Variants in FAM3B observed in about 807,000 individuals in gnomAD.
The protein encoded by FAM3B is FAM3 metabolism regulating signaling molecule B.
FAM3B carries 29 observed loss-of-function variants against 28.4 expected under a neutral mutation model. That is an observed-to-expected ratio of 1.02 (90% CI 0.76 to 1.39). The LOEUF is 1.39. Among genes scored for constraint, FAM3B ranks in the 40% most tolerant of loss-of-function variants. The pLI is 0.00. For missense variants in FAM3B, 266 were observed against 293.9 expected, an observed-to-expected ratio of 0.91 and a Z score of 0.69; for synonymous variants, 91 against 103.0, an observed-to-expected ratio of 0.88 and a Z score of 0.71.
intron 3 of FAM3B, among the ~76,000 whole-genome samples, chr21:41,343,761 C>T (rs1387380409): frequency 6.6e-6 from 1 of 152,136 alleles, no homozygotes; most frequent in Non-Finnish European, 1.5e-5. Context: ...TTTAGTTTTC[C>T]TGATTTTAGG....
chr21:41,305,378 C>A (rs1441609396), intron 1 of FAM3B, among the ~76,000 whole-genome samples: 1 of 152,156 alleles, frequency 6.6e-6, no homozygotes, highest in Non-Finnish European at 1.5e-5. Flanking sequence ...ACTTAGGAAT[C>A]CCATGGATTT....
chr21:41,333,753 G>C (rs1402593733), intron 2 of FAM3B, among the ~76,000 whole-genome samples: 1 of 152,206 alleles, frequency 6.6e-6, no homozygotes, highest in Non-Finnish European at 1.5e-5. Flanking sequence ...TTGGAACTGG[G>C]TAACAGGCAG....
intron 7 of FAM3B, among the ~76,000 whole-genome samples, chr21:41,352,204 G>C (rs1483520907): frequency 6.6e-6 from 1 of 152,174 alleles, no homozygotes; most frequent in Non-Finnish European, 1.5e-5. Flanking sequence ...ATACCCTGCA[G>C]CGCTTTGCCA....
upstream of FAM3B, among the ~76,000 whole-genome samples, chr21:41,316,539 G>A (rs905792445): frequency 1.8e-4 from 28 of 152,312 alleles, no homozygotes; most frequent in African/African-American, 5.8e-4. Flanking sequence ...ATCAAGTGGC[G>A]TCGTTTCCTC....
intron 7 of FAM3B, among the ~76,000 whole-genome samples, chr21:41,349,937 CCTT>C (rs990445412): frequency 1.3e-5 from 2 of 151,992 alleles, no homozygotes; most frequent in Admixed American, 6.5e-5. Context: ...CTCGACCCCT[CCTT>C]GCTTATGACT....
In FAM3B at chr21:41,332,419, A is replaced by G. The variant is rs1212568984; in HGVS notation, c.164-5959A>G. On this transcript the variant is annotated intron_variant, in intron 2 of 7. Transcript: ENST00000357985. The stretch of plus-strand genomic sequence containing the variant: ...AATAGCTTGTTGAATTCAGTTTGCT[A>G]GTATTAATATTTTGTTGAGGAATTT... Among the ~76,000 whole-genome samples the G allele has an allele frequency of 2.0e-5, 3 of 152,324 alleles. No homozygotes were observed. The East Asian group carries it at 5.8e-4, about 29-fold the overall frequency.
intron 2 of FAM3B, among the ~76,000 whole-genome samples, chr21:41,330,141 A>T (rs1202582463): frequency 1.3e-5 from 2 of 151,656 alleles, no homozygotes; most frequent in African/African-American, 2.4e-5. Context: ...TAGGAAAAAA[A>T]AAAAAAAAAA....
intron 3 of FAM3B, among the ~76,000 whole-genome samples, chr21:41,343,133 G>C (rs1220842993): frequency 6.6e-6 from 1 of 152,212 alleles, no homozygotes; most frequent in Non-Finnish European, 1.5e-5. Flanking sequence ...CAAATAAGAT[G>C]TGGGAGATTT....
At chr21:41,312,676 GTT>G (rs1431991494), upstream of FAM3B, among the ~76,000 whole-genome samples, 2 of 152,112 alleles carry the variant, frequency 1.3e-5, no homozygotes, top group African/African-American at 4.8e-5. Flanking sequence ...GAACATGTAA[GTT>G]ATGAAGCAGA....
chr21:41,316,162 C>T (rs2123688675), upstream of FAM3B, among the ~76,000 whole-genome samples: 1 of 152,332 alleles, frequency 6.6e-6, no homozygotes, highest in African/African-American at 2.4e-5. Flanking sequence ...GATGTCTTCA[C>T]ACATCTGCCT....
At chr21:41,357,044 A>T in intron 7 of FAM3B, 64 bp from the exon 8 acceptor site, 1 of 1,258,276 alleles carries the variant, frequency 7.9e-7, no homozygotes, top group Non-Finnish European at 1.1e-6. Flanking sequence ...CTCACAACTG[A>T]TACTGATTAA....
chr21:41,352,783 A>T (rs2089132545), intron 7 of FAM3B, among the ~76,000 whole-genome samples: 1 of 150,090 alleles, frequency 6.7e-6, no homozygotes, highest in South Asian at 2.2e-4. Flanking sequence ...AACATTAGCG[A>T]AACTCCATCT....
At chr21:41,319,311 G>A (rs11910836) in intron 1 of FAM3B, 24,518 of 152,150 alleles carry the variant, frequency 0.16, 3,276 homozygotes, top group African/African-American at 0.37. Context: ...AGGCAGACAC[G>A]CTAGAGGTGA....
At chr21:41,353,495 G>GTTT (rs2089139257) in intron 7 of FAM3B, among the ~76,000 whole-genome samples, 1 of 152,220 alleles carries the variant, frequency 6.6e-6, no homozygotes, top group South Asian at 2.1e-4. Context: ...TCCAGCAGAT[G>GTTT]TGCATGTTCT....
intron 3 of FAM3B, among the ~76,000 whole-genome samples, chr21:41,340,604 T>C (rs1316665244): frequency 6.6e-6 from 1 of 152,216 alleles, no homozygotes; most frequent in East Asian, 1.9e-4. Flanking sequence ...AACATTCAAC[T>C]CATAGCAATG....
intron 3 of FAM3B, among the ~76,000 whole-genome samples, chr21:41,342,482 C>T (rs781122574): frequency 1.3e-4 from 20 of 152,298 alleles, no homozygotes; most frequent in East Asian, 3.9e-4. Context: ...CTTATCACTA[C>T]TATAGTCTCT....
At chr21:41,308,752 T>C (rs1455612669) in intron 1 of FAM3B, among the ~76,000 whole-genome samples, 1 of 152,140 alleles carries the variant, frequency 6.6e-6, no homozygotes, top group East Asian at 1.9e-4. Context: ...CTGGTCAGGC[T>C]AGTCTCGAAC....
At chr21:41,340,138 G>A (rs2088991755) in intron 3 of FAM3B, among the ~76,000 whole-genome samples, 1 of 151,836 alleles carries the variant, frequency 6.6e-6, no homozygotes, top group Admixed American at 6.6e-5. Flanking sequence ...GAGGCAAAAG[G>A]GGACTGAAGT....
At chr21:41,329,501 C>T (rs1395306503) in intron 2 of FAM3B, among the ~76,000 whole-genome samples, 1 of 152,072 alleles carries the variant, frequency 6.6e-6, no homozygotes, top group Non-Finnish European at 1.5e-5. Context: ...AATGGCTCCA[C>T]AGAGCAAGAG....
Sources: gnomAD v4.1 joint callset for allele counts (sites outside exome capture counted in the v4.1 genomes callset) on GRCh38, gnomAD v4.1.1 for gene constraint, MANE v1.5 for transcripts, NCBI Gene and HGNC (gene_info 2026-07-23, HGNC 2026-07-21) for gene names.